Variants in DTWD2 observed in about 807,000 individuals in gnomAD.
The protein encoded by DTWD2 is DTW motif tRNA-uridine aminocarboxypropyltransferase 2, also known as tRNA-uridine aminocarboxypropyltransferase 2.
In DTWD2, 39 loss-of-function variants were observed where a neutral mutation model predicts 31.8. The observed-to-expected ratio is 1.22, with a 90% CI of 0.95 to 1.60. The LOEUF is 1.60. Among genes scored for constraint, DTWD2 ranks in the 40% most tolerant of loss-of-function variants. The probability of loss-of-function intolerance (pLI) is 0.00; values close to 1 mark genes in which losing one functional copy is unlikely to be tolerated. For missense variants in DTWD2, 515 were observed against 381.5 expected (o/e 1.35, Z -2.92); for synonymous variants, 180 against 142.8 (o/e 1.26, Z -1.86).
At chr5:118,941,179 T>C (rs1411222165) in intron 2 of DTWD2, among the ~76,000 whole-genome samples, 2 of 151,926 alleles carry the variant, frequency 1.3e-5, no homozygotes, top group Non-Finnish European at 2.9e-5. Context: ...TTTTATTATA[T>C]ATATATTTTT....
chr5:118,957,311 T>A (rs1366708692), intron 1 of DTWD2, among the ~76,000 whole-genome samples: 1 of 151,800 alleles, frequency 6.6e-6, no homozygotes, highest in African/African-American at 2.4e-5. Flanking sequence ...AACCTCCACA[T>A]CCCGGGTACA....
At chr5:118,853,365 A>AT (rs1324909792) in intron 4 of DTWD2, among the ~76,000 whole-genome samples, 1 of 152,222 alleles carries the variant, frequency 6.6e-6, no homozygotes, top group East Asian at 1.9e-4. Context: ...ATGAAAATAG[A>AT]ACCACCATTC....
At chr5:118,953,922 T>C (rs749170844) in intron 1 of DTWD2, among the ~76,000 whole-genome samples, 10 of 152,192 alleles carry the variant, frequency 6.6e-5, no homozygotes, top group Non-Finnish European at 1.0e-4. Context: ...ATCCCAGATA[T>C]CTGCAGAGCT....
chr5:118,878,975 A>G (rs1752679985), intron 4 of DTWD2, among the ~76,000 whole-genome samples: 1 of 152,204 alleles, frequency 6.6e-6, no homozygotes, highest in African/African-American at 2.4e-5. Flanking sequence ...TATTATTAAA[A>G]AGTCAAAAAA....
intron 1 of DTWD2, among the ~76,000 whole-genome samples, chr5:118,960,645 C>T (rs1469598912): frequency 6.6e-6 from 1 of 152,080 alleles, no homozygotes; most frequent in East Asian, 1.9e-4. Context: ...CAATGCAGCC[C>T]TATTCACCAA....
chr5:118,896,089 A>G (rs543337609), intron 4 of DTWD2, among the ~76,000 whole-genome samples: 1 of 152,338 alleles, frequency 6.6e-6, no homozygotes, highest in African/African-American at 2.4e-5. Context: ...AGTCCTGAAC[A>G]TACTCAAATG....
chr5:118,909,062 C>A (rs541281105), intron 4 of DTWD2, among the ~76,000 whole-genome samples: 7 of 152,302 alleles, frequency 4.6e-5, no homozygotes, highest in Admixed American at 3.3e-4. Flanking sequence ...GTTCCCTTCA[C>A]AAGAGAAAAG....
chr5:118,842,239 T>C (rs952649483), intron 5 of DTWD2, among the ~76,000 whole-genome samples: 5 of 152,186 alleles, frequency 3.3e-5, no homozygotes, highest in Admixed American at 6.5e-5. Flanking sequence ...ATAATTCAAA[T>C]TATATTCAAG....
At chr5:118,844,623 T>C (rs1330922906) in intron 5 of DTWD2, among the ~76,000 whole-genome samples, 1 of 152,214 alleles carries the variant, frequency 6.6e-6, no homozygotes, top group African/African-American at 2.4e-5. Flanking sequence ...AAAAATTATG[T>C]GGTCTGCCCA....
intron 4 of DTWD2, among the ~76,000 whole-genome samples, chr5:118,900,749 A>G (rs960577161): frequency 6.6e-6 from 1 of 151,864 alleles, no homozygotes; most frequent in Non-Finnish European, 1.5e-5. Flanking sequence ...ACATGGTGAA[A>G]CCCCGTCCTA....
chr5:118,889,414 T>C (rs1476462693), intron 4 of DTWD2, among the ~76,000 whole-genome samples: 1 of 152,122 alleles, frequency 6.6e-6, no homozygotes, highest in Non-Finnish European at 1.5e-5. Context: ...TCGAGACAGC[T>C]ATAAAAATGA....
At chr5:118,941,125 A>G (rs1476097346) in intron 2 of DTWD2, among the ~76,000 whole-genome samples, 1 of 152,066 alleles carries the variant, frequency 6.6e-6, no homozygotes, top group Non-Finnish European at 1.5e-5. Context: ...AATGGTTAAT[A>G]ACTTTTCTAT....
intron 2 of DTWD2, among the ~76,000 whole-genome samples, chr5:118,941,620 G>A (rs1254654672): frequency 3.9e-5 from 6 of 152,158 alleles, no homozygotes; most frequent in African/African-American, 1.2e-4. Context: ...GCTATTGTGA[G>A]TAGTGCTGCA....
intron 4 of DTWD2, among the ~76,000 whole-genome samples, chr5:118,917,212 T>G (rs1050783915): frequency 6.6e-6 from 1 of 152,170 alleles, no homozygotes; most frequent in Non-Finnish European, 1.5e-5. Flanking sequence ...ACAATGACAG[T>G]GCAGGAACTA....
At chr5:118,964,584 C>A (rs1254756030) in intron 1 of DTWD2, among the ~76,000 whole-genome samples, 2 of 152,222 alleles carry the variant, frequency 1.3e-5, no homozygotes, top group Non-Finnish European at 2.9e-5. Context: ...CGATTGCAGG[C>A]GCGTGCCGCC....
chr5:118,874,428 C>T (rs564369322), intron 4 of DTWD2, among the ~76,000 whole-genome samples: 54 of 152,220 alleles, frequency 3.5e-4, no homozygotes, highest in African/African-American at 8.9e-4. Context: ...TACAGAAGTA[C>T]ATTAAAACCC....
chr5:118,840,930 C>A lies in DTWD2; in HGVS notation c.884G>T (p.Ser295Ile), dbSNP rs967949473. 6 of 1,613,104 alleles carry A rather than the reference C, an allele frequency of 3.7e-6. No homozygotes were observed. In the Admixed American group the frequency reaches 5.0e-5, roughly 13 times the overall value. Residue 295 changes from serine (S) to isoleucine (I), a missense_variant, in exon 6 of 6, where the codon AGT becomes ATT. By Grantham distance (142) the Ser-to-Ile change is moderately radical. Transcript: ENST00000510708. ...KLRKMELLMN[S>I]VKI ...AGAATAACTGTACTAAATTTTAACACTATTCATTAACAATTCCATTTTCCT... is the reference window on the plus strand; with the variant it reads ...AGAATAACTGTACTAAATTTTAACAATATTCATTAACAATTCCATTTTCCT...
intron 1 of DTWD2, among the ~76,000 whole-genome samples, chr5:118,973,446 C>T (rs986389222): frequency 2.4e-4 from 37 of 152,160 alleles, no homozygotes; most frequent in African/African-American, 8.7e-4. Context: ...GTAAGGCAGG[C>T]CTGGTGGTGA....
intron 1 of DTWD2, among the ~76,000 whole-genome samples, chr5:118,985,555 A>G (rs560762470): frequency 5.6e-5 from 8 of 142,350 alleles, no homozygotes; most frequent in South Asian, 2.3e-4. Flanking sequence ...CACGTATATT[A>G]CACTTTATTT....
Sources: gnomAD v4.1 joint callset for allele counts (sites outside exome capture counted in the v4.1 genomes callset) on GRCh38, gnomAD v4.1.1 for gene constraint, MANE v1.5 for transcripts, NCBI Gene and HGNC (gene_info 2026-07-23, HGNC 2026-07-21) for gene names.